CCDC178: variants seen among roughly 807,000 people sequenced by gnomAD.
The protein encoded by CCDC178 is coiled-coil domain-containing protein 178.
CCDC178 carries 126 observed loss-of-function variants against 117.4 expected under a neutral mutation model. That is an observed-to-expected ratio of 1.07 (90% CI 0.93 to 1.24). The LOEUF is 1.24. CCDC178 is among the 50% of genes most tolerant of loss of function. The pLI, the probability that CCDC178 is intolerant of heterozygous loss-of-function variation, is 0.00. For missense variants in CCDC178, 1,030 were observed against 986.9 expected, an observed-to-expected ratio of 1.04 and a Z score of -0.59; for synonymous variants, 283 against 313.4, an observed-to-expected ratio of 0.90 and a Z score of 1.02.
rs552894335 is a variant in CCDC178 at position 32,966,491 on chromosome 18, C to A, written c.2523+8056G>T. On this transcript the variant is annotated intron_variant, in intron 22 of 22. Coordinates refer to ENST00000383096, the MANE Select transcript of CCDC178 (RefSeq NM_001105528.4). ...AATGTTCATCAACTATTCTGTTTTA[C>A]AGATCTTTCTATCCATTCTTGCATT... Among the ~76,000 whole-genome samples, 10 of 151,954 alleles carry A rather than the reference C, an allele frequency of 6.6e-5. No individual in the cohort carries two copies. The South Asian group carries it at 2.1e-3, about 31-fold the overall frequency.
intron 1 of CCDC178, 90 bp downstream of exon 1, chr18:33,440,563 G>A (rs2064370994): frequency 6.6e-6 from 1 of 151,376 alleles, no homozygotes; most frequent in South Asian, 2.1e-4. Context: ...AGTCGCGCAG[G>A]CGGGCGGCCA....
chr18:33,304,528 C>T (rs2062222647), intron 11 of CCDC178, among the ~76,000 whole-genome samples: 1 of 152,142 alleles, frequency 6.6e-6, no homozygotes, highest in African/African-American at 2.4e-5. Context: ...TTATTAGAAG[C>T]AACTGAGTAT....
intron 12 of CCDC178, among the ~76,000 whole-genome samples, chr18:33,268,664 T>C (rs961746892): frequency 6.6e-6 from 1 of 151,566 alleles, no homozygotes; most frequent in Admixed American, 6.6e-5. Flanking sequence ...ATAAACAAAA[T>C]GTAAATTAAA....
chr18:33,247,364 T>G (rs1035092007), intron 14 of CCDC178, among the ~76,000 whole-genome samples: 1 of 151,718 alleles, frequency 6.6e-6, no homozygotes, highest in Admixed American at 6.6e-5. Context: ...AAAGAAATTT[T>G]GACACACAGC....
chr18:33,286,643 A>G (rs1275071687), intron 12 of CCDC178, among the ~76,000 whole-genome samples: 1 of 152,142 alleles, frequency 6.6e-6, no homozygotes, highest in Admixed American at 6.5e-5. Flanking sequence ...GATTTCTATG[A>G]AAAACAATAT....
intron 15 of CCDC178, among the ~76,000 whole-genome samples, chr18:33,242,153 C>A (rs189913021): frequency 4.1e-4 from 63 of 151,814 alleles, no homozygotes; most frequent in African/African-American, 1.5e-3. Flanking sequence ...GCACCAAGAA[C>A]CTACATTGGG....
intron 21 of CCDC178, among the ~76,000 whole-genome samples, chr18:33,072,951 A>G (rs1301641794): frequency 6.6e-6 from 1 of 152,098 alleles, no homozygotes; most frequent in Admixed American, 6.6e-5. Flanking sequence ...ATTATAGTAT[A>G]AAGTATTTAC....
chr18:33,080,646 TACTTTGTTAGGGC>T (rs1348051559), intron 21 of CCDC178, among the ~76,000 whole-genome samples: 1 of 152,198 alleles, frequency 6.6e-6, no homozygotes. Context: ...CAGTCTGTGG[TACTTTGTTAGGGC>T]AGCCCTAGCA....
intron 20 of CCDC178, among the ~76,000 whole-genome samples, chr18:33,179,095 A>ATATATATATATAAAC (rs2058701108): frequency 9.0e-6 from 1 of 111,658 alleles, no homozygotes; most frequent in African/African-American, 4.4e-5. Context: ...ATATATATAT[A>ATATATATATATAAAC]TATATATATA....
intron 14 of CCDC178, among the ~76,000 whole-genome samples, chr18:33,247,992 T>A (rs532381787): frequency 6.6e-6 from 1 of 151,592 alleles, no homozygotes; most frequent in Non-Finnish European, 1.5e-5. Flanking sequence ...GAGAAAAAAA[T>A]AGGACCACAG....
chr18:33,085,286 G>A (rs564019795), intron 21 of CCDC178, among the ~76,000 whole-genome samples: 2 of 152,194 alleles, frequency 1.3e-5, no homozygotes, highest in Admixed American at 6.5e-5. Context: ...TTTTGGGGCC[G>A]GGTACGGTGG....
chr18:33,044,210 C>T (rs937432822), intron 21 of CCDC178, among the ~76,000 whole-genome samples: 4 of 151,888 alleles, frequency 2.6e-5, no homozygotes, highest in South Asian at 4.1e-4. Context: ...AAAGCCTCTA[C>T]AGGAACTGTA....
intron 12 of CCDC178, among the ~76,000 whole-genome samples, chr18:33,275,660 AG>A (rs1307359967): frequency 1.9e-4 from 7 of 35,958 alleles, no homozygotes; most frequent in African/African-American, 8.0e-4. Flanking sequence ...AGGGGAGGGG[AG>A]GGGGGAGGGG....
intron 5 of CCDC178, among the ~76,000 whole-genome samples, chr18:33,379,626 G>A (rs2063414337): frequency 6.6e-6 from 1 of 152,088 alleles, no homozygotes; most frequent in African/African-American, 2.4e-5. Context: ...TAGACAGGGA[G>A]CAGGAAACAT....
intron 20 of CCDC178, among the ~76,000 whole-genome samples, chr18:33,192,023 A>G (rs2058865034): frequency 6.6e-6 from 1 of 152,200 alleles, no homozygotes; most frequent in South Asian, 2.1e-4. Flanking sequence ...GTTTAAAACT[A>G]TATTTAGCCA....
At chr18:32,959,047 A>G (rs2054651532) in intron 22 of CCDC178, among the ~76,000 whole-genome samples, 1 of 152,156 alleles carries the variant, frequency 6.6e-6, no homozygotes, top group Admixed American at 6.5e-5. Flanking sequence ...GAGGTTTGTT[A>G]CAATTATCAA....
chr18:33,090,895 G>T (rs938196937), intron 21 of CCDC178, among the ~76,000 whole-genome samples: 1 of 152,092 alleles, frequency 6.6e-6, no homozygotes. Flanking sequence ...ATCAAGATTT[G>T]CTTTAATTCC....
intron 20 of CCDC178, among the ~76,000 whole-genome samples, chr18:33,193,939 G>T (rs2058894103): frequency 6.6e-6 from 1 of 152,204 alleles, no homozygotes; most frequent in African/African-American, 2.4e-5. Flanking sequence ...TTGTGTGTCT[G>T]CATCATCACA....
At chr18:33,279,466 T>C (rs1176821572) in intron 12 of CCDC178, among the ~76,000 whole-genome samples, 3 of 152,148 alleles carry the variant, frequency 2.0e-5, no homozygotes, top group Admixed American at 6.5e-5. Flanking sequence ...TACAAACAAA[T>C]GGAAGAACAT....
Sources: allele counts gnomAD v4.1 joint callset (sites outside exome capture counted in the v4.1 genomes callset), GRCh38; gene constraint gnomAD v4.1.1; transcripts MANE v1.5; gene names NCBI Gene and HGNC (gene_info 2026-07-23, HGNC 2026-07-21).